Variants in MACROD2 observed in about 807,000 individuals in gnomAD.
The protein encoded by MACROD2 is ADP-ribose glycohydrolase MACROD2.
A neutral mutation model predicts 70.4 loss-of-function variants in MACROD2; 36 were observed. That is an observed-to-expected ratio of 0.51 (90% CI 0.39 to 0.68). The LOEUF (loss-of-function observed/expected upper bound fraction) is 0.68. MACROD2 is among the 30% of genes least tolerant of loss of function. MACROD2 has a pLI of 0.00. For missense variants in MACROD2, 496 were observed against 538.4 expected (o/e 0.92, Z 0.78); for synonymous variants, 172 against 178.8 (o/e 0.96, Z 0.30).
intron 5 of MACROD2, among the ~76,000 whole-genome samples, chr20:14,823,470 G>C (rs1044772305): frequency 2.6e-5 from 4 of 152,214 alleles, no homozygotes; most frequent in Non-Finnish European, 4.4e-5. Flanking sequence ...GAGTGGCTCA[G>C]CTGTCATCAG....
chr20:14,036,617 G>A (rs995915634), intron 2 of MACROD2, among the ~76,000 whole-genome samples: 2 of 152,194 alleles, frequency 1.3e-5, no homozygotes, highest in Non-Finnish European at 2.9e-5. Flanking sequence ...TCATTTAAGA[G>A]GAATCTGTAT....
At chr20:15,178,844 T>A (rs1305702440) in intron 5 of MACROD2, among the ~76,000 whole-genome samples, 1 of 152,214 alleles carries the variant, frequency 6.6e-6, no homozygotes, top group Admixed American at 6.5e-5. Context: ...TGGGTAAGCA[T>A]GCTTTTCCAT....
At chr20:14,637,183 A>G (rs759638920) in intron 4 of MACROD2, among the ~76,000 whole-genome samples, 25 of 152,196 alleles carry the variant, frequency 1.6e-4, no homozygotes, top group Non-Finnish European at 2.6e-4. Flanking sequence ...ACACTTTTGC[A>G]GCTGCCGTTC....
chr20:15,236,721 G>A (rs186159976), intron 6 of MACROD2, among the ~76,000 whole-genome samples: 18 of 152,222 alleles, frequency 1.2e-4, no homozygotes, highest in African/African-American at 3.6e-4. Flanking sequence ...TTATGTTGAC[G>A]ACCGTAACTC....
chr20:15,228,070 A>G (rs2076926035), intron 5 of MACROD2, among the ~76,000 whole-genome samples: 1 of 152,034 alleles, frequency 6.6e-6, no homozygotes, highest in South Asian at 2.1e-4. Flanking sequence ...CATTTATTAA[A>G]GAAACTAAAG....
chr20:15,274,950 G>A (rs1321083111), intron 6 of MACROD2, among the ~76,000 whole-genome samples: 1 of 152,110 alleles, frequency 6.6e-6, no homozygotes, highest in Non-Finnish European at 1.5e-5. Flanking sequence ...TAGGAGTGGG[G>A]TGGCGAGGCG....
rs553938734 is a variant in MACROD2, at chr20:14,028,071, C to T, written c.163+25667C>T. On this transcript the variant is annotated intron_variant, in intron 2 of 17. Coordinates refer to ENST00000684519, the MANE Select transcript of MACROD2 (RefSeq NM_001351661.2). ...GAGTTGGGAGTTTTACCTGTAAGCT[C>T]CTGACTGGGGCTGATGCCTTTCTTT... Among the ~76,000 whole-genome samples, 7 of 152,302 alleles carry T rather than the reference C, an allele frequency of 4.6e-5. No homozygotes were observed. The East Asian group carries it at 1.4e-3, about 29-fold the overall frequency.
chr20:15,998,316 T>C (rs2066659979), intron 15 of MACROD2, among the ~76,000 whole-genome samples: 1 of 152,218 alleles, frequency 6.6e-6, no homozygotes. Flanking sequence ...TGTGGGCTTT[T>C]CTTTATTGGG....
intron 5 of MACROD2, among the ~76,000 whole-genome samples, chr20:15,028,885 G>C (rs2075253689): frequency 6.6e-6 from 1 of 152,200 alleles, no homozygotes; most frequent in Non-Finnish European, 1.5e-5. Flanking sequence ...CAAGTAATGA[G>C]GTTGGAGAAA....
chr20:14,962,192 G>T (rs1337818822), intron 5 of MACROD2, among the ~76,000 whole-genome samples: 1 of 151,986 alleles, frequency 6.6e-6, no homozygotes, highest in East Asian at 1.9e-4. Context: ...ACATTTATTT[G>T]TTCTTAATCT....
At chr20:14,480,658 C>G (rs1195857491) in intron 3 of MACROD2, among the ~76,000 whole-genome samples, 1 of 152,138 alleles carries the variant, frequency 6.6e-6, no homozygotes, top group Non-Finnish European at 1.5e-5. Context: ...TAAAACTAAT[C>G]TCTATTATAG....
At chr20:15,998,830 C>T (rs1252544766) in intron 15 of MACROD2, among the ~76,000 whole-genome samples, 4 of 152,064 alleles carry the variant, frequency 2.6e-5, no homozygotes, top group Non-Finnish European at 5.9e-5. Flanking sequence ...TCCCAAAGTG[C>T]TGGGATTACA....
intron 8 of MACROD2, among the ~76,000 whole-genome samples, chr20:15,673,083 C>T (rs559438579): frequency 1.3e-5 from 2 of 152,266 alleles, no homozygotes; most frequent in East Asian, 3.9e-4. Flanking sequence ...ATTACCCAGT[C>T]TTGTGTATGT....
chr20:15,186,397 C>G (rs979804941), intron 5 of MACROD2, among the ~76,000 whole-genome samples: 2 of 152,114 alleles, frequency 1.3e-5, no homozygotes, highest in African/African-American at 2.4e-5. Context: ...GATCTGAAGT[C>G]TACTTTTTTC....
intron 5 of MACROD2, among the ~76,000 whole-genome samples, chr20:14,854,253 C>T (rs745485205): frequency 1.3e-5 from 2 of 152,092 alleles, no homozygotes; most frequent in Admixed American, 6.6e-5. Flanking sequence ...CCTGTTCCAT[C>T]GTTAGAAAAA....
At chr20:15,418,923 C>CT (rs2046191583) in intron 6 of MACROD2, among the ~76,000 whole-genome samples, 1 of 152,144 alleles carries the variant, frequency 6.6e-6, no homozygotes, top group African/African-American at 2.4e-5. Context: ...AGCAAGTGCT[C>CT]TGTTTCCTCT....
At chr20:14,507,349 A>G (rs187630015) in intron 4 of MACROD2, among the ~76,000 whole-genome samples, 1 of 152,288 alleles carries the variant, frequency 6.6e-6, no homozygotes, top group Non-Finnish European at 1.5e-5. Context: ...AAAACAGCTG[A>G]AAAGTAGAAT....
At chr20:15,756,757 T>G (rs1307256249) in intron 8 of MACROD2, among the ~76,000 whole-genome samples, 1 of 152,172 alleles carries the variant, frequency 6.6e-6, no homozygotes, top group African/African-American at 2.4e-5. Context: ...AAAAACAAGT[T>G]AGAAATGTTT....
chr20:14,801,819 G>T (rs1369905332), intron 5 of MACROD2, among the ~76,000 whole-genome samples: 1 of 152,068 alleles, frequency 6.6e-6, no homozygotes, highest in Non-Finnish European at 1.5e-5. Context: ...AAGCAGAAAT[G>T]CAGGCAATTG....
Sources: gnomAD v4.1 joint callset for allele counts (sites outside exome capture counted in the v4.1 genomes callset) on GRCh38, gnomAD v4.1.1 for gene constraint, MANE v1.5 for transcripts, NCBI Gene and HGNC (gene_info 2026-07-23, HGNC 2026-07-21) for gene names.